MRC1: variants seen among roughly 807,000 people sequenced by gnomAD.
The protein encoded by MRC1 is macrophage mannose receptor 1.
Under a neutral mutation model 102.9 loss-of-function variants are expected in MRC1, and 62 were observed. The observed-to-expected ratio is 0.60, with a 90% CI of 0.49 to 0.74. MRC1 has a LOEUF of 0.74. Ranked by LOEUF, MRC1 falls within the 30% of genes least tolerant of loss-of-function variation. The pLI, the probability that MRC1 is intolerant of heterozygous loss-of-function variation, is 0.00. For synonymous variants in MRC1, 457 were observed against 298.4 expected (o/e 1.53, Z -5.48); for missense variants, 1,237 against 862.8 (o/e 1.43, Z -5.43).
At chr10:17,867,536 C>T (rs946530233) in intron 12 of MRC1, among the ~76,000 whole-genome samples, 2 of 152,020 alleles carry the variant, frequency 1.3e-5, no homozygotes, top group African/African-American at 4.8e-5. Context: ...GCTCCTCCCA[C>T]CTAAGCCTCC....
chr10:17,848,311 G>A (rs1189689909), intron 6 of MRC1, among the ~76,000 whole-genome samples: 1 of 152,124 alleles, frequency 6.6e-6, no homozygotes, highest in African/African-American at 2.4e-5. Context: ...CTCTAGAATA[G>A]TAATAACAAG....
chr10:17,832,132 G>A (rs1029906071), intron 3 of MRC1, among the ~76,000 whole-genome samples: 1 of 151,660 alleles, frequency 6.6e-6, no homozygotes. Context: ...GCAGGAGTCC[G>A]TGACCTTCCC....
At chr10:17,887,871 C>A (rs913656668) in intron 22 of MRC1, among the ~76,000 whole-genome samples, 1 of 152,142 alleles carries the variant, frequency 6.6e-6, no homozygotes, top group Non-Finnish European at 1.5e-5. Context: ...GGTGCAATCT[C>A]GGCTCACTGC....
intron 1 of MRC1, among the ~76,000 whole-genome samples, chr10:17,821,966 C>A (rs1351761647): frequency 6.6e-6 from 1 of 151,994 alleles, no homozygotes; most frequent in Non-Finnish European, 1.5e-5. Flanking sequence ...TCAAAGCACT[C>A]AGTTACTTTC....
intron 4 of MRC1, among the ~76,000 whole-genome samples, chr10:17,835,728 G>T (rs1380699094): frequency 3.9e-5 from 6 of 152,196 alleles, no homozygotes; most frequent in African/African-American, 7.2e-5. Context: ...AAACTAGACA[G>T]TCATGGCAAG....
chr10:17,844,855 C>G (rs534296878), intron 5 of MRC1, among the ~76,000 whole-genome samples: 1 of 152,080 alleles, frequency 6.6e-6, no homozygotes, highest in African/African-American at 2.4e-5. Context: ...TGCATTAATT[C>G]GCTTAGGATA....
In MRC1 at chr10:17,877,880, C is replaced by T. The variant is rs34759952; in HGVS notation, c.2551-20C>T. 2.4e-3 allele frequency: 2,122 copies of T among 871,834 alleles called. 34 individuals are homozygous for T. The African/African-American group carries it at 0.031, about 13-fold the overall frequency. The allele number at this position is 871,834 out of a possible 1,614,324, so 54.0% of individuals were successfully genotyped here. Reference sequence around the variant, plus strand: ...TTGTGTGATTCTAAATTAAACTATACGTAAACTTCCATGTTTCAGGTAAAC... The same window carrying T: ...TTGTGTGATTCTAAATTAAACTATATGTAAACTTCCATGTTTCAGGTAAAC... On this transcript the variant is annotated intron_variant, in intron 17 of 29. Transcript: ENST00000569591.
intron 1 of MRC1, among the ~76,000 whole-genome samples, chr10:17,822,864 C>T (rs1307187827): frequency 1.3e-5 from 2 of 152,260 alleles, no homozygotes; most frequent in Admixed American, 6.5e-5. Flanking sequence ...CCTTGGCAGG[C>T]CCTCAGTCCA....
In MRC1 at chr10:17,813,148, T is replaced by C. The variant is rs1017046014; in HGVS notation, c.61+3622T>C. On this transcript the variant is annotated intron_variant, in intron 1 of 29. Transcript: ENST00000569591. Reference sequence around the variant, plus strand: ...GTAAAATGTCCAGAAGGTGACTGTTTAGCAGGTAGATGTAGATCCAGGACT... The same window carrying C: ...GTAAAATGTCCAGAAGGTGACTGTTCAGCAGGTAGATGTAGATCCAGGACT... Among the ~76,000 whole-genome samples, 13 of 152,292 alleles carry C rather than the reference T, an allele frequency of 8.5e-5. No individual in the cohort carries two copies. The East Asian group carries it at 1.7e-3, about 20-fold the overall frequency.
chr10:17,871,164 G>A (rs940733780), intron 14 of MRC1, among the ~76,000 whole-genome samples: 2 of 152,008 alleles, frequency 1.3e-5, no homozygotes, highest in East Asian at 3.9e-4. Flanking sequence ...TAATGATTAG[G>A]CTTCGTCAGA....
At chr10:17,884,990 A>G (rs1483345200) in intron 21 of MRC1, among the ~76,000 whole-genome samples, 1 of 152,258 alleles carries the variant, frequency 6.6e-6, no homozygotes, top group African/African-American at 2.4e-5. Flanking sequence ...ATAGGGGCGC[A>G]CAGAATGGAG....
intron 4 of MRC1, among the ~76,000 whole-genome samples, chr10:17,837,990 T>A (rs797024133): frequency 0.72 from 108,935 of 151,740 alleles, 40,302 homozygotes; most frequent in African/African-American, 0.9. Context: ...TACATACTAG[T>A]TTCTGGGCTT....
At chr10:17,889,905 A>T (rs1298217538) in intron 22 of MRC1, among the ~76,000 whole-genome samples, 1 of 152,074 alleles carries the variant, frequency 6.6e-6, no homozygotes, top group African/African-American at 2.4e-5. Flanking sequence ...TCTTTCATTT[A>T]TTCCTTCTCT....
chr10:17,836,919 G>A (rs1328202615), intron 4 of MRC1, among the ~76,000 whole-genome samples: 1 of 152,114 alleles, frequency 6.6e-6, no homozygotes, highest in African/African-American at 2.4e-5. Flanking sequence ...TTCAGTTGAT[G>A]TGTTTTTGGT....
chr10:17,879,728 G>A lies in MRC1; in HGVS notation c.2626G>A (p.Asp876Asn), dbSNP rs1833487238. 1.3e-6 allele frequency: 1 copy of A among 780,708 alleles called. No homozygotes were observed. The highest frequency in any genetic ancestry group is 1.7e-5 in the African/African-American group (1 of 59,118). 48.4% of individuals were successfully genotyped at this position (780,708 alleles called of 1,614,324 possible). Reference protein sequence around the residue: ...ISLDKKFAWMDGSKVDYVSWA... With the variant: ...ISLDKKFAWMNGSKVDYVSWA... ...CTGAATTTTCTTTTCCAGTTGGATGGATGGAAGCAAAGTGGATTACGTGTC... is the reference window on the plus strand; with the variant it reads ...CTGAATTTTCTTTTCCAGTTGGATGAATGGAAGCAAAGTGGATTACGTGTC... The change falls in exon 19 of 30, where the codon GAT (aspartate) becomes AAT (asparagine). Residue 876 changes from aspartate (D) to asparagine (N), a missense_variant. Asp to Asn is a conservative substitution (Grantham distance 23). Coordinates refer to ENST00000569591, the MANE Select transcript of MRC1 (RefSeq NM_002438.4).
chr10:17,823,630 C>T (rs1838431335), intron 2 of MRC1, among the ~76,000 whole-genome samples, 155 bp downstream of exon 2: 1 of 152,172 alleles, frequency 6.6e-6, no homozygotes, highest in African/African-American at 2.4e-5. Flanking sequence ...TAGGACTATT[C>T]TGAGGACATG....
intron 1 of MRC1, among the ~76,000 whole-genome samples, chr10:17,810,297 G>A (rs891236800): frequency 2.0e-5 from 3 of 152,072 alleles, no homozygotes; most frequent in Admixed American, 6.6e-5. Context: ...GTTCTATTTG[G>A]AGATGATTTA....
At chr10:17,862,080 A>G (rs1833192698) in intron 10 of MRC1, among the ~76,000 whole-genome samples, 2 of 152,234 alleles carry the variant, frequency 1.3e-5, no homozygotes, top group African/African-American at 4.8e-5. Flanking sequence ...GATTAGCCAC[A>G]GAAGAAAGTT....
Position 17,830,836 on chromosome 10 carries a change from A to G in MRC1, c.638-2839A>G, listed in dbSNP as rs965920507. On this transcript the variant is annotated intron_variant, in intron 3 of 29. Transcript: ENST00000569591. ...ATTTATGTCACTTGCCTCCATTCCT[A>G]GGTTTAAAAACAACAACAAAACCCT... Among the ~76,000 whole-genome samples the G allele has an allele frequency of 3.3e-5, 5 of 151,292 alleles. No homozygotes were observed. In the East Asian group the frequency reaches 9.7e-4, roughly 29 times the overall value.
Sources: allele counts gnomAD v4.1 joint callset (sites outside exome capture counted in the v4.1 genomes callset), GRCh38; gene constraint gnomAD v4.1.1; transcripts MANE v1.5; gene names NCBI Gene and HGNC (gene_info 2026-07-23, HGNC 2026-07-21).